The following DCP1B variants were observed in gnomAD, a reference collection of about 807,000 sequenced individuals.
The protein encoded by DCP1B is mRNA-decapping enzyme 1B.
A neutral mutation model predicts 60.5 loss-of-function variants in DCP1B; 47 were observed. The observed-to-expected ratio is 0.78, with a 90% CI of 0.61 to 0.99. The LOEUF is 0.99. Ranked by LOEUF, DCP1B falls within the 50% of genes least tolerant of loss-of-function variation. The pLI, the probability that DCP1B is intolerant of heterozygous loss-of-function variation, is 0.00. For missense variants in DCP1B, 725 were observed against 756.8 expected, an observed-to-expected ratio of 0.96 and a Z score of 0.49; for synonymous variants, 267 against 280.3, an observed-to-expected ratio of 0.95 and a Z score of 0.47.
intron 7 of DCP1B, 58 bp downstream of exon 7, chr12:1,952,358 G>A (rs2030707231): frequency 2.1e-6 from 3 of 1,458,048 alleles, no homozygotes; most frequent in East Asian, 4.7e-5. Context: ...TTTTTTTTAG[G>A]GACAGGATCT....
At chr12:1,972,960 T>A (rs1565786663) in intron 3 of DCP1B, among the ~76,000 whole-genome samples, 1 of 152,198 alleles carries the variant, frequency 6.6e-6, no homozygotes, top group Admixed American at 6.5e-5. Flanking sequence ...CTGGCATCCA[T>A]AGATGGGAAA....
chr12:1,976,094 A>G (rs1311348473), intron 3 of DCP1B, among the ~76,000 whole-genome samples: 1 of 151,868 alleles, frequency 6.6e-6, no homozygotes, highest in East Asian at 1.9e-4. Flanking sequence ...CTTTCTTTAG[A>G]TGGATAGTTT....
intron 3 of DCP1B, among the ~76,000 whole-genome samples, chr12:1,978,826 C>T (rs966937121): frequency 1.3e-5 from 2 of 152,196 alleles, no homozygotes; most frequent in Non-Finnish European, 2.9e-5. Flanking sequence ...CTTTGCTCAA[C>T]ATGTTTCTGA....
chr12:1,998,363 G>A (rs773824090), intron 1 of DCP1B, among the ~76,000 whole-genome samples: 29 of 152,146 alleles, frequency 1.9e-4, no homozygotes, highest in Non-Finnish European at 4.0e-4. Context: ...CATCACTGGT[G>A]TCTGCATTTC....
At chr12:1,984,780 A>T (rs1390101598) in intron 3 of DCP1B, among the ~76,000 whole-genome samples, 3 of 141,582 alleles carry the variant, frequency 2.1e-5, no homozygotes, top group Admixed American at 7.1e-5. Flanking sequence ...TCTTCTGGTA[A>T]AAAAAAAAAA....
In DCP1B at chr12:1,948,089, C is replaced by T. The variant is rs1317454249; in HGVS notation, c.1773+997G>A. On this transcript the variant is annotated intron_variant, in intron 8 of 8. Transcript: ENST00000280665. This position sits in a 1 kb window ranked among gnomAD's most constrained non-coding sequence, Gnocchi z 4.8. ...CGTCTGATGCTTAAGCAAAGTACCA[C>T]ACAAGTTTTCTTAAAGATTATCTAC... is the stretch of plus-strand genomic sequence containing the variant. Among the ~76,000 whole-genome samples the T allele has an allele frequency of 6.6e-6, 1 of 152,232 alleles. No homozygotes were observed. The highest frequency in any genetic ancestry group is 2.4e-5 in the African/African-American group (1 of 41,462).
At chr12:1,952,261 C>T (rs898917104) in intron 7 of DCP1B, among the ~76,000 whole-genome samples, 155 bp downstream of exon 7, 3 of 152,240 alleles carry the variant, frequency 2.0e-5, no homozygotes, top group Admixed American at 2.0e-4. Context: ...GTAACCTCCG[C>T]CTCTTGAGCT....
At chr12:1,968,060 T>A in intron 3 of DCP1B, 150 bp from the exon 4 acceptor site, 2 of 701,412 alleles carry the variant, frequency 2.9e-6, no homozygotes, top group Non-Finnish European at 4.6e-6. Flanking sequence ...TCATTGGGGT[T>A]AAAGCTTAAA....
chr12:1,972,935 G>A (rs1441050187), intron 3 of DCP1B, among the ~76,000 whole-genome samples: 1 of 152,204 alleles, frequency 6.6e-6, no homozygotes, highest in African/African-American at 2.4e-5. Context: ...GAGCAGCAAT[G>A]ACGCTGCCTG....
chr12:1,967,743 T>C, intron 4 of DCP1B, 101 bp downstream of exon 4: 2 of 947,646 alleles, frequency 2.1e-6, no homozygotes, highest in Non-Finnish European at 3.3e-6. Context: ...AGGACTGCTA[T>C]GGGAGATATA....
chr12:1,993,326 G>A lies in DCP1B; in HGVS notation c.257C>T (p.Pro86Leu). ...TTGGAAATCCAAGTCTTTAGTAATA[G>A]GTTCTGTCCTATTTTCCATGCTCAG... is the stretch of plus-strand genomic sequence containing the variant. ...NRLSMENRTEPITKDLDFQLQ... is the reference protein window; with the variant it reads ...NRLSMENRTELITKDLDFQLQ... The change falls in exon 3 of 9, where the codon CCT (proline) becomes CTT (leucine). Residue 86 changes from proline (P) to leucine (L), a missense_variant. Physicochemically the swap from Pro to Leu is moderately conservative, Grantham distance 98. Transcript: ENST00000280665. 6.2e-7 allele frequency: 1 copy of A among 1,614,054 alleles called. No homozygotes were observed.
At chr12:1,958,648 C>T (rs1301863205) in intron 5 of DCP1B, among the ~76,000 whole-genome samples, 23 of 130,960 alleles carry the variant, frequency 1.8e-4, no homozygotes, top group Admixed American at 3.9e-4. Flanking sequence ...AAAAGCTCCC[C>T]AACGTCGCTC....
chr12:1,971,525 G>C lies in DCP1B; in HGVS notation c.320-3615C>G, dbSNP rs563461712. Among the ~76,000 whole-genome samples, 36 of 152,282 alleles carry C rather than the reference G, an allele frequency of 2.4e-4. No homozygotes were observed. The South Asian group carries it at 4.1e-3, about 18-fold the overall frequency. ...TCAAGGAGATCAAAATTTCCATATAGACTTCATGTCTGGATTTTTTAGGTC... is the reference window on the plus strand; with the variant it reads ...TCAAGGAGATCAAAATTTCCATATACACTTCATGTCTGGATTTTTTAGGTC... On this transcript the variant is annotated intron_variant, in intron 3 of 8. Transcript: ENST00000280665. The surrounding 1 kb of genome is among the most constrained non-coding windows in gnomAD (Gnocchi z 4.2).
intron 3 of DCP1B, among the ~76,000 whole-genome samples, chr12:1,985,759 A>G (rs2037508129): frequency 6.6e-6 from 1 of 152,174 alleles, no homozygotes; most frequent in Non-Finnish European, 1.5e-5. Flanking sequence ...AGGTTTAGAT[A>G]AGAAGCTCTG....
chr12:1,996,882 TAC>T (rs932888810), intron 2 of DCP1B, among the ~76,000 whole-genome samples: 1 of 152,098 alleles, frequency 6.6e-6, no homozygotes, highest in African/African-American at 2.4e-5. Flanking sequence ...GGAAAGAAAA[TAC>T]ACTTGTGTGT....
chr12:1,976,918 A>G (rs560131639), intron 3 of DCP1B, among the ~76,000 whole-genome samples: 1 of 152,186 alleles, frequency 6.6e-6, no homozygotes, highest in African/African-American at 2.4e-5. Context: ...AAAAGGGAAG[A>G]AGAAAAGTCT....
intron 5 of DCP1B, among the ~76,000 whole-genome samples, chr12:1,961,072 G>A (rs919352555): frequency 3.9e-5 from 6 of 152,182 alleles, no homozygotes; most frequent in African/African-American, 7.2e-5. Flanking sequence ...TAGTTAGGCC[G>A]GCCAAAAATA....
chr12:1,959,803 C>CA (rs1295206905), intron 5 of DCP1B, among the ~76,000 whole-genome samples: 2 of 151,760 alleles, frequency 1.3e-5, no homozygotes, highest in East Asian at 1.9e-4. Flanking sequence ...ACTAAAAATA[C>CA]AAAAAAATTA....
downstream of DCP1B, among the ~76,000 whole-genome samples, chr12:1,942,255 T>C (rs2030298362): frequency 6.6e-6 from 1 of 152,164 alleles, no homozygotes; most frequent in African/African-American, 2.4e-5. Context: ...CCTAAATATA[T>C]ATGCACCCAA....
Sources: gnomAD v4.1 joint callset for allele counts (sites outside exome capture counted in the v4.1 genomes callset) on GRCh38, gnomAD v4.1.1 for gene constraint, Gnocchi (gnomAD v3.1) non-coding constraint, MANE v1.5 for transcripts, NCBI Gene and HGNC (gene_info 2026-07-23, HGNC 2026-07-21) for gene names.